Variants in MAST4 observed in about 807,000 individuals in gnomAD.
MAST4 encodes microtubule associated serine/threonine kinase family member 4.
MAST4 carries 89 observed loss-of-function variants against 162.7 expected under a neutral mutation model. The ratio of observed to expected loss-of-function variants is 0.55; its 90% CI spans 0.46 to 0.65. The LOEUF (loss-of-function observed/expected upper bound fraction) is 0.65. MAST4 is among the 30% of genes least tolerant of loss of function. The pLI is 0.00. For missense variants in MAST4, 3,153 were observed against 3,374.0 expected (o/e 0.93, Z 1.62); for synonymous variants, 1,479 against 1,361.1 (o/e 1.09, Z -1.91).
intron 7 of MAST4, among the ~76,000 whole-genome samples, chr5:67,099,703 G>T (rs1764819253): frequency 6.6e-6 from 1 of 152,128 alleles, no homozygotes; most frequent in South Asian, 2.1e-4. Flanking sequence ...TAAAAGCAGG[G>T]TTATTTAGCT....
At chr5:66,831,788 A>G (rs1757612708) in intron 3 of MAST4, among the ~76,000 whole-genome samples, 1 of 152,202 alleles carries the variant, frequency 6.6e-6, no homozygotes, top group Non-Finnish European at 1.5e-5. Flanking sequence ...GTTAGAATCT[A>G]GAAAACTTTT....
At chr5:66,761,242 C>T (rs1753836572) in intron 2 of MAST4, among the ~76,000 whole-genome samples, 1 of 152,000 alleles carries the variant, frequency 6.6e-6, no homozygotes, top group African/African-American at 2.4e-5. Flanking sequence ...ATTCTTTCAC[C>T]CCTTTTTAAA....
intron 1 of MAST4, among the ~76,000 whole-genome samples, chr5:66,749,014 G>A (rs1752964443): frequency 6.6e-6 from 1 of 152,098 alleles, no homozygotes; most frequent in Admixed American, 6.5e-5. Flanking sequence ...TCTATTCTTT[G>A]AGTGGTATAG....
intron 4 of MAST4, among the ~76,000 whole-genome samples, chr5:67,052,193 T>C (rs1271635721): frequency 2.0e-5 from 3 of 152,172 alleles, no homozygotes. Context: ...ATAGCCTGTT[T>C]TCTTTCACTC....
Position 67,145,393 on chromosome 5 carries a change from C to T in MAST4, c.3094+14C>T. The T allele has an allele frequency of 6.2e-7, 1 of 1,607,352 alleles. No homozygotes were observed. Among genetic ancestry groups the T allele is most frequent in the South Asian group, 1.1e-5 (1 of 90,656 alleles). The stretch of plus-strand genomic sequence containing the variant: ...CCACCCTGTCAGGTAAGCCCCGGGC[C>T]ATAGTGCCTGCTGTCCTCCTCACCA... On this transcript the variant is annotated intron_variant, in intron 23 of 28. Transcript: ENST00000403625.
intron 1 of MAST4, among the ~76,000 whole-genome samples, chr5:66,602,250 G>A (rs946493708): frequency 2.0e-5 from 3 of 152,170 alleles, no homozygotes; most frequent in African/African-American, 7.2e-5. Context: ...GGGTGAGCAT[G>A]AAGGGAGATG....
At chr5:66,917,917 C>T (rs115084583) in intron 4 of MAST4, among the ~76,000 whole-genome samples, 14 of 152,008 alleles carry the variant, frequency 9.2e-5, no homozygotes, top group South Asian at 2.1e-4. Flanking sequence ...AAATTGAAGG[C>T]GTTTTATCGT....
In MAST4 at chr5:67,104,486, C is replaced by T. The variant is rs760258058; in HGVS notation, c.1267C>T (p.Arg423Ter). The T allele has an allele frequency of 3.7e-6, 6 of 1,613,710 alleles. No homozygotes were observed. The highest frequency in any genetic ancestry group is 5.1e-6 in the Non-Finnish European group (6 of 1,179,822). The change falls in exon 10 of 29, where the codon CGA becomes TGA. Residue 423 changes from arginine to a stop codon, truncating the protein, a stop_gained. Coordinates refer to ENST00000403625, the MANE Select transcript of MAST4 (RefSeq NM_001164664.2). LOFTEE classifies it high-confidence loss of function. ...FTHHQIIELA[R>*]DCLDKSHQGL... ...TCACCACCAGATTATTGAACTGGCT[C>T]GAGATTGCTTGGATAAATCCCACCA...
intron 5 of MAST4, among the ~76,000 whole-genome samples, chr5:67,082,973 T>C (rs983581536): frequency 2.0e-4 from 31 of 152,342 alleles, no homozygotes; most frequent in African/African-American, 7.5e-4. Flanking sequence ...TTTTTAAAGC[T>C]TCAAAGGTGA....
chr5:66,837,052 G>GTGTGTGTGTGTGTGTGTGTGTGTGTA lies in MAST4; in HGVS notation c.642+48259_642+48260insGTGTGTGTGTGTGTGTGTGTGTGTAT, dbSNP rs1310826490. 2.0e-5 allele frequency among the ~76,000 whole-genome samples: 3 copies of GTGTGTGTGTGTGTGTGTGTGTGTGTA among 151,914 alleles called. No homozygotes were observed. The East Asian group carries it at 5.8e-4, about 29-fold the overall frequency. On this transcript the variant is annotated intron_variant, in intron 3 of 28. Coordinates refer to ENST00000403625, the MANE Select transcript of MAST4 (RefSeq NM_001164664.2). ...TGTGTGTGTGTGTGTGTGTGTGTGT[G>GTGTGTGTGTGTGTGTGTGTGTGTGTA]TATGTATACTGTAGCCTAGTGGGAT...
chr5:66,688,075 G>A (rs1465535535), intron 1 of MAST4, among the ~76,000 whole-genome samples: 1 of 152,138 alleles, frequency 6.6e-6, no homozygotes, highest in Non-Finnish European at 1.5e-5. Flanking sequence ...CTTTAGCTTG[G>A]TTTGGACAGT....
At chr5:66,865,963 T>C (rs1284709776) in intron 3 of MAST4, among the ~76,000 whole-genome samples, 1 of 150,968 alleles carries the variant, frequency 6.6e-6, no homozygotes, top group African/African-American at 2.4e-5. Context: ...TAATCCCAGC[T>C]ACTTGGGAGA....
intron 4 of MAST4, among the ~76,000 whole-genome samples, chr5:67,012,097 T>C (rs900182898): frequency 1.3e-5 from 2 of 152,108 alleles, no homozygotes; most frequent in Non-Finnish European, 2.9e-5. Context: ...GGTAGAACAT[T>C]ATATTCTCTA....
At chr5:67,117,652 A>C (rs1042628849) in intron 12 of MAST4, among the ~76,000 whole-genome samples, 1 of 152,020 alleles carries the variant, frequency 6.6e-6, no homozygotes, top group African/African-American at 2.4e-5. Context: ...TGGAAAGTAC[A>C]AGTAAAAGAA....
intron 3 of MAST4, among the ~76,000 whole-genome samples, chr5:66,866,960 CAT>C (rs1760573280): frequency 6.6e-6 from 1 of 152,046 alleles, no homozygotes; most frequent in Non-Finnish European, 1.5e-5. Context: ...TAGGTCTCCT[CAT>C]ATTGCCCAGG....
At chr5:66,937,655 T>C (rs1742905347) in intron 4 of MAST4, among the ~76,000 whole-genome samples, 1 of 152,162 alleles carries the variant, frequency 6.6e-6, no homozygotes, top group African/African-American at 2.4e-5. Flanking sequence ...TACGTTCATC[T>C]ACTCATTTTT....
In MAST4 at chr5:67,166,905, C is replaced by T. The variant is rs764435493; in HGVS notation, c.7726C>T (p.Gln2576Ter). 1.4e-5 allele frequency: 23 copies of T among 1,611,502 alleles called. No homozygotes were observed. The highest frequency in any genetic ancestry group is 1.6e-5 in the Non-Finnish European group (19 of 1,179,160). ...APAQPPPARK[Q>*]NVGRDVTKPS... is the part of the protein sequence containing the mutation. Reference sequence around the variant, plus strand: ...AGCCCAGCCTCCCCCAGCTAGGAAACAGAACGTGGGCAGAGACGTGACCAA... The same window carrying T: ...AGCCCAGCCTCCCCCAGCTAGGAAATAGAACGTGGGCAGAGACGTGACCAA... Residue 2576 changes from glutamine to a stop codon, truncating the protein, a stop_gained, in exon 29 of 29, where the codon CAG becomes TAG. Transcript: ENST00000403625. LOFTEE classifies it high-confidence loss of function.
chr5:66,848,376 G>GT (rs1240188411), intron 3 of MAST4, among the ~76,000 whole-genome samples: 2 of 152,092 alleles, frequency 1.3e-5, no homozygotes, highest in Non-Finnish European at 2.9e-5. Flanking sequence ...AAAATACTAA[G>GT]TTTTTTCTTC....
chr5:66,652,456 G>A (rs1746290363), intron 1 of MAST4, among the ~76,000 whole-genome samples: 1 of 152,144 alleles, frequency 6.6e-6, no homozygotes, highest in Non-Finnish European at 1.5e-5. Flanking sequence ...ATTGCAACTT[G>A]TTTAAAGATG....
Sources: gnomAD v4.1 joint callset for allele counts (sites outside exome capture counted in the v4.1 genomes callset) on GRCh38, gnomAD v4.1.1 for gene constraint, MANE v1.5 for transcripts, NCBI Gene and HGNC (gene_info 2026-07-23, HGNC 2026-07-21) for gene names.